CHD9: variants seen among roughly 807,000 people sequenced by gnomAD.
CHD9 encodes the protein chromodomain helicase DNA binding protein 9, also known as ATP-dependent chromatin remodeler CHD9.
CHD9 carries 77 observed loss-of-function variants against 316.1 expected under a neutral mutation model. The observed-to-expected ratio is 0.24, with a 90% CI of 0.20 to 0.29. CHD9 has a LOEUF of 0.29. CHD9 is among the 10% of genes least tolerant of loss of function. CHD9 has a pLI of 1.00. For missense variants in CHD9, 2,763 were observed against 3,438.1 expected (o/e 0.80, Z 4.91); for synonymous variants, 1,129 against 1,158.3 (o/e 0.97, Z 0.51).
intron 1 of CHD9, among the ~76,000 whole-genome samples, chr16:53,084,118 C>T (rs2035262316): frequency 6.6e-6 from 1 of 152,064 alleles, no homozygotes; most frequent in Non-Finnish European, 1.5e-5. Flanking sequence ...GTCTTGACTC[C>T]TGGTTTCAAG....
intron 1 of CHD9, among the ~76,000 whole-genome samples, chr16:53,096,330 G>A (rs1223581469): frequency 6.6e-6 from 1 of 152,002 alleles, no homozygotes; most frequent in African/African-American, 2.4e-5. Context: ...ACACAATGCC[G>A]GGTACCTCAT....
intron 24 of CHD9, among the ~76,000 whole-genome samples, chr16:53,284,211 ATT>A (rs1369845049): frequency 6.6e-6 from 1 of 152,072 alleles, no homozygotes; most frequent in Admixed American, 6.6e-5. Context: ...TATAATTTAT[ATT>A]GTTTTATATC....
chr16:53,210,393 G>A (rs147674542), intron 3 of CHD9, among the ~76,000 whole-genome samples: 109 of 151,604 alleles, frequency 7.2e-4, no homozygotes, highest in African/African-American at 2.3e-3. Flanking sequence ...ACGTAATAAA[G>A]AGGCCAGGTG....
At chr16:53,181,910 G>T (rs2043557098) in intron 2 of CHD9, among the ~76,000 whole-genome samples, 1 of 152,048 alleles carries the variant, frequency 6.6e-6, no homozygotes, top group Non-Finnish European at 1.5e-5. Flanking sequence ...TGAAACCCCA[G>T]CTCCATTAAA....
At chr16:53,187,305 T>G (rs1449780157) in intron 2 of CHD9, among the ~76,000 whole-genome samples, 1 of 152,076 alleles carries the variant, frequency 6.6e-6, no homozygotes, top group Non-Finnish European at 1.5e-5. Context: ...GCTAGGAGTT[T>G]GAGACCAGCT....
At chr16:53,279,059 C>T (rs377765698) in intron 24 of CHD9, among the ~76,000 whole-genome samples, 6 of 152,146 alleles carry the variant, frequency 3.9e-5, no homozygotes, top group African/African-American at 7.2e-5. Context: ...CACATGCACA[C>T]GTACGTATAT....
intron 5 of CHD9, 41 bp downstream of exon 5, chr16:53,226,553 C>T (rs1229911628): frequency 1.3e-5 from 20 of 1,565,854 alleles, no homozygotes; most frequent in Admixed American, 2.1e-5. Context: ...CATTTTAAAC[C>T]GACATAAATT....
chr16:53,088,007 G>A (rs983399348), intron 1 of CHD9, among the ~76,000 whole-genome samples: 5 of 152,020 alleles, frequency 3.3e-5, no homozygotes, highest in African/African-American at 1.2e-4. Context: ...AGGAGTGCAG[G>A]GGCTCATCTT....
intron 1 of CHD9, among the ~76,000 whole-genome samples, chr16:53,091,645 A>G (rs950756093): frequency 1.3e-5 from 2 of 152,216 alleles, no homozygotes; most frequent in Admixed American, 6.5e-5. Flanking sequence ...CATTTGTCTT[A>G]TAACTCCCAT....
intron 2 of CHD9, among the ~76,000 whole-genome samples, chr16:53,158,489 T>A (rs1001146048): frequency 6.6e-6 from 1 of 152,220 alleles, no homozygotes; most frequent in Non-Finnish European, 1.5e-5. Flanking sequence ...ACTTAGTAGT[T>A]GGGTGACTTT....
At chr16:53,178,664 C>T (rs1283387201) in intron 2 of CHD9, among the ~76,000 whole-genome samples, 1 of 151,976 alleles carries the variant, frequency 6.6e-6, no homozygotes, top group African/African-American at 2.4e-5. Flanking sequence ...ACTCTCACTG[C>T]CTTGCCCAGG....
chr16:53,151,685 G>T (rs1232051310), intron 1 of CHD9, among the ~76,000 whole-genome samples: 2 of 152,146 alleles, frequency 1.3e-5, no homozygotes, highest in Middle Eastern at 3.2e-3. Context: ...CAACGATAAT[G>T]AATTTTTTAT....
intron 2 of CHD9, among the ~76,000 whole-genome samples, chr16:53,181,920 A>C (rs1187819275): frequency 3.3e-5 from 5 of 152,116 alleles, no homozygotes; most frequent in Non-Finnish European, 5.9e-5. Context: ...GCTCCATTAA[A>C]AGTACAAAAC....
At chr16:53,285,275 A>G (rs548199176) in intron 24 of CHD9, among the ~76,000 whole-genome samples, 2 of 152,346 alleles carry the variant, frequency 1.3e-5, no homozygotes, top group Non-Finnish European at 2.9e-5. Context: ...GTTGGCTGAC[A>G]TAGTCTCTAC....
Position 53,082,149 on chromosome 16 carries a change from A to G in CHD9, c.-165+27072A>G, listed in dbSNP as rs575659669. ...AAGGACTATTTTCCAGTGTCTGGTA[A>G]ACACTTAGTTCTCCATCCTGTATTC... On this transcript the variant is annotated intron_variant, in intron 1 of 38. Transcript: ENST00000447540. 3.3e-5 allele frequency among the ~76,000 whole-genome samples: 5 copies of G among 152,338 alleles called. No homozygotes were observed. The South Asian group carries it at 1.0e-3, about 32-fold the overall frequency.
At chr16:53,191,651 C>T (rs1016160375) in intron 2 of CHD9, among the ~76,000 whole-genome samples, 1 of 152,076 alleles carries the variant, frequency 6.6e-6, no homozygotes, top group Admixed American at 6.5e-5. Flanking sequence ...ATAGATACAC[C>T]ACAATTTACT....
chr16:53,256,939 A>G (rs2050660846), intron 19 of CHD9, among the ~76,000 whole-genome samples: 1 of 152,194 alleles, frequency 6.6e-6, no homozygotes, highest in Non-Finnish European at 1.5e-5. Context: ...ACTTGCATTC[A>G]TTTAGCAGAC....
chr16:53,173,556 T>A (rs34171932), intron 2 of CHD9, among the ~76,000 whole-genome samples: 17,852 of 152,074 alleles, frequency 0.12, 1,241 homozygotes, highest in South Asian at 0.23. Context: ...TTTTATTTTT[T>A]TTTTTTAAGA....
At chr16:53,285,248 A>G (rs531291937) in intron 24 of CHD9, among the ~76,000 whole-genome samples, 32 of 152,294 alleles carry the variant, frequency 2.1e-4, no homozygotes, top group Admixed American at 9.8e-4. Context: ...ATTGAACCAG[A>G]TGATTATTGC....
Sources: allele counts gnomAD v4.1 joint callset (sites outside exome capture counted in the v4.1 genomes callset), GRCh38; gene constraint gnomAD v4.1.1; transcripts MANE v1.5; gene names NCBI Gene and HGNC (gene_info 2026-07-23, HGNC 2026-07-21).